CISD2: variants seen among roughly 807,000 people sequenced by gnomAD.
CISD2 encodes the protein CDGSH iron-sulfur domain-containing protein 2.
In CISD2, 1 loss-of-function variant was observed where a neutral mutation model predicts 12.9. The ratio of observed to expected loss-of-function variants is 0.08; its 90% CI spans 0.03 to 0.37. The LOEUF (loss-of-function observed/expected upper bound fraction) is 0.37. CISD2 is among the 10% of genes least tolerant of loss of function. The probability of loss-of-function intolerance (pLI) is 0.99; values close to 1 mark genes in which losing one functional copy is unlikely to be tolerated. For missense variants in CISD2, 97 were observed against 163.1 expected, an observed-to-expected ratio of 0.59 and a Z score of 2.21; for synonymous variants, 50 against 60.6, an observed-to-expected ratio of 0.83 and a Z score of 0.81.
At chr4:102,878,260 C>T (rs1046468447) in intron 1 of CISD2, among the ~76,000 whole-genome samples, 3 of 152,178 alleles carry the variant, frequency 2.0e-5, no homozygotes, top group Non-Finnish European at 2.9e-5. Flanking sequence ...CTCAGCCTCC[C>T]GAGTAGAACT....
rs568722495 is a variant in CISD2 at position 102,889,022 on chromosome 4, T to C, written c.*1592T>C. 1 of 152,236 alleles carries C rather than the reference T, an allele frequency of 6.6e-6. No individual in the cohort carries two copies. The highest frequency in any genetic ancestry group is 2.4e-5 in the African/African-American group (1 of 41,452). 9.4% of individuals were successfully genotyped at this position (152,236 alleles called of 1,614,324 possible). A position where few individuals can be genotyped will look rare whatever the true frequency, so the allele number is the denominator to read the frequency against. On this transcript the variant is annotated 3_prime_UTR_variant, in exon 3 of 3. Transcript: ENST00000273986. ...AATAAAACTAATTGTTATTGGGCAC[T>C]TGTATGTACCAGACACTACACTAAG... is the stretch of plus-strand genomic sequence containing the variant.
chr4:102,887,067 C>T (rs1046925040), intron 2 of CISD2, among the ~76,000 whole-genome samples: 15 of 152,126 alleles, frequency 9.9e-5, no homozygotes, highest in African/African-American at 3.6e-4. Flanking sequence ...AGAACTTATT[C>T]GATTCCCTTT....
chr4:102,875,865 T>G (rs780599912), intron 1 of CISD2, among the ~76,000 whole-genome samples: 1 of 152,228 alleles, frequency 6.6e-6, no homozygotes, highest in Non-Finnish European at 1.5e-5. Context: ...AGAAGACTCT[T>G]TACTTTTCTT....
chr4:102,888,280 T>TC lies in CISD2; in HGVS notation c.*853dup, dbSNP rs1734042234. 1 of 152,222 alleles carries TC rather than the reference T, an allele frequency of 6.6e-6. No homozygotes were observed. Among genetic ancestry groups the TC allele is most frequent in the South Asian group, 2.1e-4 (1 of 4,830 alleles). The allele number at this position is 152,222 out of a possible 1,614,324, so 9.4% of individuals were successfully genotyped here. A position where few individuals can be genotyped will look rare whatever the true frequency, so the allele number is the denominator to read the frequency against. On this transcript the variant is annotated 3_prime_UTR_variant, in exon 3 of 3. Transcript: ENST00000273986. ...ACTATAAACCATTAAAATACAGTCA[T>TC]CCCTTGTATACGCTAGGGACTGGTT...
intron 1 of CISD2, among the ~76,000 whole-genome samples, chr4:102,883,505 G>A (rs894261138): frequency 6.6e-6 from 1 of 152,116 alleles, no homozygotes; most frequent in African/African-American, 2.4e-5. Context: ...TCTCCTCTTG[G>A]GAACTATAAG....
chr4:102,878,251 T>C (rs902141153), intron 1 of CISD2, among the ~76,000 whole-genome samples: 2 of 152,134 alleles, frequency 1.3e-5, no homozygotes, highest in Admixed American at 6.5e-5. Context: ...TTCTCCTGCC[T>C]CAGCCTCCCG....
At chr4:102,885,593 C>T (rs1346706482) in intron 2 of CISD2, among the ~76,000 whole-genome samples, 163 bp downstream of exon 2, 1 of 152,134 alleles carries the variant, frequency 6.6e-6, no homozygotes, top group African/African-American at 2.4e-5. Context: ...ATGATAGATA[C>T]TACCTACATT....
intron 1 of CISD2, among the ~76,000 whole-genome samples, chr4:102,878,906 A>T (rs1469092891): frequency 1.3e-5 from 2 of 152,222 alleles, no homozygotes; most frequent in African/African-American, 4.8e-5. Context: ...ACATAAAATA[A>T]AAATACTACC....
chr4:102,891,289 C>T lies in CISD2; in HGVS notation c.*3859C>T, dbSNP rs868180771. ...AACAAGTTTGGTTATCTGATTTCTGCTTCTTAACAAATCACAAGTATCAAA... is the reference window on the plus strand; with the variant it reads ...AACAAGTTTGGTTATCTGATTTCTGTTTCTTAACAAATCACAAGTATCAAA... On this transcript the variant is annotated 3_prime_UTR_variant, in exon 3 of 3. Transcript: ENST00000273986. 3.3e-5 allele frequency: 5 copies of T among 152,136 alleles called. No homozygotes were observed. The highest frequency in any genetic ancestry group is 1.2e-4 in the African/African-American group (5 of 41,416). The allele number at this position is 152,136 out of a possible 1,614,324, so 9.4% of individuals were successfully genotyped here. A position where few individuals can be genotyped will look rare whatever the true frequency, so the allele number is the denominator to read the frequency against.
At chr4:102,885,765 C>T (rs892570153) in intron 2 of CISD2, among the ~76,000 whole-genome samples, 4 of 152,256 alleles carry the variant, frequency 2.6e-5, no homozygotes, top group East Asian at 3.9e-4. Context: ...GTCAAATATA[C>T]TTGTCACAGT....
At chr4:102,869,338 A>G (rs1346929932) in intron 1 of CISD2, 151 bp downstream of exon 1, 42 of 1,052,624 alleles carry the variant, frequency 4.0e-5, no homozygotes, top group Non-Finnish European at 5.4e-5. Context: ...GCGCCGACGC[A>G]GCTGCCTGGG....
At chr4:102,885,056 G>T in intron 1 of CISD2, 160 bp from the exon 2 acceptor site, 2 of 645,686 alleles carry the variant, frequency 3.1e-6, no homozygotes, top group South Asian at 3.4e-5. Context: ...GTCTTTGGTA[G>T]AGCTGGCTTT....
rs369900050 is a variant in CISD2 at position 102,885,481 on chromosome 4, T to G, written c.318+51T>G. ...TAAAATTTTGCAGTGCTAGGATTGTTTCGCCTCTTAAATCCCCAGTTTTGA... is the reference window on the plus strand; with the variant it reads ...TAAAATTTTGCAGTGCTAGGATTGTGTCGCCTCTTAAATCCCCAGTTTTGA... On this transcript the variant is annotated intron_variant, in intron 2 of 2. Coordinates refer to ENST00000273986, the MANE Select transcript of CISD2 (RefSeq NM_001008388.5). 17 of 1,412,468 alleles carry G rather than the reference T, an allele frequency of 1.2e-5. No individual in the cohort carries two copies. In the Admixed American group the frequency reaches 1.9e-4, roughly 15 times the overall value. 87.5% of individuals were successfully genotyped at this position (1,412,468 alleles called of 1,614,324 possible). A position where few individuals can be genotyped will look rare whatever the true frequency, so the allele number is the denominator to read the frequency against.
intron 1 of CISD2, among the ~76,000 whole-genome samples, chr4:102,880,983 G>A (rs141154196): frequency 2.0e-5 from 3 of 147,524 alleles, no homozygotes; most frequent in Non-Finnish European, 4.5e-5. Flanking sequence ...AGAGCGAGAC[G>A]CTGTCTCAAA....
At chr4:102,876,894 C>T (rs1375945800) in intron 1 of CISD2, among the ~76,000 whole-genome samples, 1 of 152,164 alleles carries the variant, frequency 6.6e-6, no homozygotes, top group African/African-American at 2.4e-5. Flanking sequence ...CACAAGGAGG[C>T]TGGAGAGAGA....
chr4:102,872,697 TTAA>T (rs1455991044), intron 1 of CISD2, among the ~76,000 whole-genome samples: 2 of 152,320 alleles, frequency 1.3e-5, no homozygotes, highest in Admixed American at 1.3e-4. Flanking sequence ...AAAAAATGTT[TTAA>T]TAATAGTATT....
intron 1 of CISD2, chr4:102,869,521 C>G: frequency 1.4e-6 from 1 of 702,468 alleles, no homozygotes; most frequent in Non-Finnish European, 2.6e-6. Context: ...CTGTAGCGTA[C>G]TTGTTTATTT....
rs572119492 is a variant in CISD2, at chr4:102,870,847, C to T, written c.103+1660C>T. 3.3e-5 allele frequency among the ~76,000 whole-genome samples: 5 copies of T among 152,274 alleles called. No homozygotes were observed. The South Asian group carries it at 8.3e-4, about 25-fold the overall frequency. On this transcript the variant is annotated intron_variant, in intron 1 of 2. Transcript: ENST00000273986. The stretch of plus-strand genomic sequence containing the variant: ...GTTTTAACATCACAATGGGCCTAAC[C>T]ATTCATTCCCTTACAACTGGAAATT...
In CISD2 at chr4:102,891,072, T is replaced by C. The variant is rs577632757; in HGVS notation, c.*3642T>C. ...TGATAGATCCAGAACAAGGAAATGA[T>C]GTATGTGTTTACATATTACATCTAC... On this transcript the variant is annotated 3_prime_UTR_variant, in exon 3 of 3. Coordinates refer to ENST00000273986, the MANE Select transcript of CISD2 (RefSeq NM_001008388.5). 1.3e-5 allele frequency: 2 copies of C among 151,226 alleles called. No individual in the cohort carries two copies. 9.4% of individuals were successfully genotyped at this position (151,226 alleles called of 1,614,324 possible). A position where few individuals can be genotyped will look rare whatever the true frequency, so the allele number is the denominator to read the frequency against.
Sources: allele counts gnomAD v4.1 joint callset (sites outside exome capture counted in the v4.1 genomes callset), GRCh38; gene constraint gnomAD v4.1.1; transcripts MANE v1.5; gene names NCBI Gene and HGNC (gene_info 2026-07-23, HGNC 2026-07-21).